The following LY75 variants were observed in gnomAD, a reference collection of about 807,000 sequenced individuals.
The protein encoded by LY75 is C-type lectin domain family 13 member B.
A neutral mutation model predicts 231.7 loss-of-function variants in LY75; 185 were observed. The ratio of observed to expected loss-of-function variants is 0.80; its 90% confidence interval spans 0.71 to 0.90. LY75 has a LOEUF of 0.90. Ranked by LOEUF, LY75 falls within the 40% of genes least tolerant of loss-of-function variation. LY75 has a pLI of 0.00. For synonymous variants in LY75, 668 were observed against 689.0 expected, an observed-to-expected ratio of 0.97 and a Z score of 0.48; for missense variants, 1,947 against 2,050.2, an observed-to-expected ratio of 0.95 and a Z score of 0.97.
intron 15 of LY75, among the ~76,000 whole-genome samples, chr2:159,858,956 A>G (rs1684620720): frequency 6.6e-6 from 1 of 152,200 alleles, no homozygotes; most frequent in African/African-American, 2.4e-5. Flanking sequence ...ATTACTTGGG[A>G]GAGACATCCA....
intron 12 of LY75, among the ~76,000 whole-genome samples, chr2:159,874,272 T>C (rs1256483381): frequency 9.2e-6 from 1 of 108,936 alleles, no homozygotes; most frequent in African/African-American, 3.3e-5. Flanking sequence ...TAAATATATA[T>C]AAATATATTG....
chr2:159,810,699 G>C, intron 31 of LY75, 24 bp from the exon 32 acceptor site: 1 of 1,600,122 alleles, frequency 6.2e-7, no homozygotes, highest in South Asian at 1.1e-5. Flanking sequence ...AGACACAGTT[G>C]TAACAATGCA....
rs1267954420 is a variant in LY75, at chr2:159,842,277, C to T, written c.3248G>A (p.Arg1083His). The change falls in exon 24 of 35, where the codon CGC becomes CAC. Residue 1083 changes from arginine to histidine, a missense_variant. Coordinates refer to ENST00000263636, the MANE Select transcript of LY75 (RefSeq NM_002349.4). ...GTWNFTSCSERHFVSLCQKYS... is the reference protein window; with the variant it reads ...GTWNFTSCSEHHFVSLCQKYS... ...TTTCTGACAGAGAGACACAAAGTGG[C>T]GTTCACTGCAGGATGTAAAATTCCA... 18 of 1,611,660 alleles carry T rather than the reference C, an allele frequency of 1.1e-5. No individual in the cohort carries two copies. The highest frequency in any genetic ancestry group is 3.3e-5 in the Admixed American group (2 of 59,916).
At chr2:159,838,406 T>C (rs1002669775) in intron 25 of LY75, among the ~76,000 whole-genome samples, 4 of 151,832 alleles carry the variant, frequency 2.6e-5, no homozygotes, top group African/African-American at 9.7e-5. Flanking sequence ...GGGAGGGGAG[T>C]TACAAAATAG....
chr2:159,855,222 T>C (rs1684514401), intron 16 of LY75, among the ~76,000 whole-genome samples: 1 of 152,132 alleles, frequency 6.6e-6, no homozygotes, highest in Non-Finnish European at 1.5e-5. Context: ...GTAAGACAGA[T>C]AAAATATAGC....
chr2:159,816,158 C>T (rs774557007), intron 30 of LY75, among the ~76,000 whole-genome samples: 1 of 152,148 alleles, frequency 6.6e-6, no homozygotes, highest in Non-Finnish European at 1.5e-5. Context: ...ATTAAAACTA[C>T]AACTCTAGTC....
At chr2:159,833,246 C>A (rs761918890) in intron 27 of LY75, among the ~76,000 whole-genome samples, 2 of 151,662 alleles carry the variant, frequency 1.3e-5, no homozygotes, top group Non-Finnish European at 2.9e-5. Context: ...CCCTCCTTAG[C>A]CTCCCAAGTA....
In LY75 at chr2:159,850,398, C is replaced by T. The variant is rs929733328; in HGVS notation, c.2953G>A (p.Gly985Ser). 3 of 1,613,528 alleles carry T rather than the reference C, an allele frequency of 1.9e-6. No individual in the cohort carries two copies. The highest frequency in any genetic ancestry group is 1.7e-6 in the Non-Finnish European group (2 of 1,179,712). ...QASDTCHSYG[G>S]TLPSVLSQIE... ...TGGCTCAACACTGAAGGAAGGGTGC[C>T]ACCATAGGAGTGACAGGTATCGCTT... The change falls in exon 22 of 35, where the codon GGC (glycine) becomes AGC (serine). Residue 985 changes from glycine to serine, a missense_variant. Transcript: ENST00000263636.
chr2:159,828,079 C>T (rs1260054975), intron 28 of LY75, among the ~76,000 whole-genome samples: 1 of 151,014 alleles, frequency 6.6e-6, no homozygotes, highest in Non-Finnish European at 1.5e-5. Context: ...ACGTTCTACA[C>T]ATGTACCCCA....
At chr2:159,899,975 G>C (rs868728493) in intron 1 of LY75, among the ~76,000 whole-genome samples, 1 of 152,178 alleles carries the variant, frequency 6.6e-6, no homozygotes, top group Non-Finnish European at 1.5e-5. Context: ...GGAAAGCCTG[G>C]GGGGATTGAC....
At chr2:159,813,621 T>C (rs901920544) in intron 31 of LY75, among the ~76,000 whole-genome samples, 2 of 152,186 alleles carry the variant, frequency 1.3e-5, no homozygotes, top group African/African-American at 4.8e-5. Flanking sequence ...ACGTGGACTT[T>C]TTCCCTCTGT....
chr2:159,898,893 A>G lies in LY75; in HGVS notation c.261T>C (p.Asp87=), dbSNP rs1466923609. ...TCAGCTCATTTACCGATTTGGTAATATCGAGGCCAAGGCACTTTTGGGAGT... is the reference window on the plus strand; with the variant it reads ...TCAGCTCATTTACCGATTTGGTAATGTCGAGGCCAAGGCACTTTTGGGAGT... ...HLHSQKCLGL[D]ITKSVNELRM... Residue 87 remains aspartate (D), a synonymous_variant, in exon 2 of 35, where the codon GAT becomes GAC. Coordinates refer to ENST00000263636, the MANE Select transcript of LY75 (RefSeq NM_002349.4). 6 of 1,614,098 alleles carry G rather than the reference A, an allele frequency of 3.7e-6. No individual in the cohort carries two copies. Among genetic ancestry groups the G allele is most frequent in the Non-Finnish European group, 5.1e-6 (6 of 1,180,048 alleles).
chr2:159,855,766 G>T (rs1343269963), intron 16 of LY75, among the ~76,000 whole-genome samples: 2 of 152,204 alleles, frequency 1.3e-5, no homozygotes, highest in African/African-American at 2.4e-5. Context: ...CCCCATGGGA[G>T]CCTATTTGCG....
intron 9 of LY75, 106 bp from the exon 10 acceptor site, chr2:159,878,827 T>C: frequency 1.6e-6 from 2 of 1,218,984 alleles, no homozygotes; most frequent in Non-Finnish European, 2.3e-6. Flanking sequence ...CTTGTGGAAA[T>C]TGAGGACATG....
At chr2:159,830,773 G>A (rs1371796205) in intron 28 of LY75, among the ~76,000 whole-genome samples, 2 of 151,942 alleles carry the variant, frequency 1.3e-5, no homozygotes, top group Non-Finnish European at 2.9e-5. Context: ...GTAGAGACAG[G>A]GTTTCACCAT....
In LY75 at chr2:159,894,192, T is replaced by C. The variant is rs1000482231; in HGVS notation, c.467-108A>G. ...AAAAGAAACGTTGTTTAGAATACAATATCCGAGTGTAGGAATTCAGAGCAT... is the reference window on the plus strand; with the variant it reads ...AAAAGAAACGTTGTTTAGAATACAACATCCGAGTGTAGGAATTCAGAGCAT... On this transcript the variant is annotated intron_variant, in intron 2 of 34. Transcript: ENST00000263636. 3.0e-6 allele frequency: 4 copies of C among 1,317,662 alleles called. No homozygotes were observed. The African/African-American group carries it at 4.5e-5, about 15-fold the overall frequency. 81.6% of individuals were successfully genotyped at this position (1,317,662 alleles called of 1,614,324 possible). A position where few individuals can be genotyped will look rare whatever the true frequency, so the allele number is the denominator to read the frequency against.
Position 159,834,011 on chromosome 2 carries a change from A to G in LY75, c.3841+33T>C, listed in dbSNP as rs779200656. 1.9e-6 allele frequency: 3 copies of G among 1,604,146 alleles called. No homozygotes were observed. The East Asian group carries it at 6.7e-5, about 36-fold the overall frequency. On this transcript the variant is annotated intron_variant, in intron 27 of 34. Transcript: ENST00000263636. ...TACCTAGCCTCGGGTATGTCCTTAT[A>G]GCAACATGAGAATGGACTAATATAA...
At position 159,807,147 on chromosome 2, in the gene LY75, A is replaced by C; in HGVS notation, c.4823-7T>G. 2 of 1,603,654 alleles carry C rather than the reference A, an allele frequency of 1.2e-6. No individual in the cohort carries two copies. Among genetic ancestry groups the C allele is most frequent in the Non-Finnish European group, 1.7e-6 (2 of 1,175,288 alleles). On this transcript the variant is annotated splice_region_variant and splice_polypyrimidine_tract_variant and intron_variant, in intron 33 of 34. Transcript: ENST00000263636. Reference sequence around the variant, plus strand: ...AACCAACTCCAAGACTGGTCTGAAGAAAGAAATTAAATACAACTATGTCTA... The same window carrying C: ...AACCAACTCCAAGACTGGTCTGAAGCAAGAAATTAAATACAACTATGTCTA...
At position 159,898,765 on chromosome 2, in the gene LY75, C is replaced by T; in HGVS notation, c.389G>A (p.Gly130Asp). The change falls in exon 2 of 35, where the codon GGC becomes GAC. Residue 130 changes from glycine (G) to aspartate (D), a missense_variant. Gly to Asp is a moderately conservative substitution (Grantham distance 94). Coordinates refer to ENST00000263636, the MANE Select transcript of LY75 (RefSeq NM_002349.4). ...RYRLALKDGH[G>D]TAISNASDVW... ...ATCAGATGCATTTGAGATTGCTGTG[C>T]CATGTCCATCCTTCAGAGCCAGCCG... is the stretch of plus-strand genomic sequence containing the variant. 6.2e-7 allele frequency: 1 copy of T among 1,614,222 alleles called. No homozygotes were observed. Among genetic ancestry groups the T allele is most frequent in the Non-Finnish European group, 8.5e-7 (1 of 1,180,038 alleles).
Sources: allele counts gnomAD v4.1 joint callset (sites outside exome capture counted in the v4.1 genomes callset), GRCh38; gene constraint gnomAD v4.1.1; transcripts MANE v1.5; gene names NCBI Gene and HGNC (gene_info 2026-07-23, HGNC 2026-07-21).